Variants in MGAT4C observed in about 807,000 individuals in gnomAD.
MGAT4C encodes the protein alpha-1,3-mannosyl-glycoprotein 4-beta-N-acetylglucosaminyltransferase C.
Under a neutral mutation model 40.1 loss-of-function variants are expected in MGAT4C, and 19 were observed. The observed-to-expected ratio is 0.47, with a 90% CI of 0.33 to 0.70. MGAT4C has a LOEUF of 0.70. Among genes scored for constraint, MGAT4C ranks in the 30% least tolerant of loss-of-function variants. The probability of loss-of-function intolerance (pLI) is 0.02; values close to 1 mark genes in which losing one functional copy is unlikely to be tolerated. For synonymous variants in MGAT4C, 181 were observed against 187.1 expected, an observed-to-expected ratio of 0.97 and a Z score of 0.27; for missense variants, 491 against 563.2, an observed-to-expected ratio of 0.87 and a Z score of 1.30.
At chr12:86,262,937 G>A (rs1952691063) in intron 4 of MGAT4C, among the ~76,000 whole-genome samples, 1 of 151,966 alleles carries the variant, frequency 6.6e-6, no homozygotes, top group Non-Finnish European at 1.5e-5. Flanking sequence ...CCTAGATATA[G>A]TAATGTTGAC....
chr12:86,804,438 A>T, intron 1 of MGAT4C, among the ~76,000 whole-genome samples: 1 of 146,992 alleles, frequency 6.8e-6, no homozygotes, highest in East Asian at 1.9e-4. Context: ...AAAATAAAAT[A>T]AATAAATAAA....
intron 1 of MGAT4C, among the ~76,000 whole-genome samples, chr12:86,241,058 T>C (rs959676586): frequency 9.2e-5 from 14 of 152,158 alleles, no homozygotes; most frequent in Non-Finnish European, 1.3e-4. Flanking sequence ...TTTTAAATTA[T>C]GCATTCCAGG....
At chr12:86,323,899 G>A (rs1199773872) in intron 4 of MGAT4C, among the ~76,000 whole-genome samples, 1 of 151,656 alleles carries the variant, frequency 6.6e-6, no homozygotes, top group Non-Finnish European at 1.5e-5. Context: ...CTATTCCCAT[G>A]AATTATTCAA....
chr12:86,189,484 A>C (rs1889131314), intron 1 of MGAT4C, among the ~76,000 whole-genome samples: 1 of 151,992 alleles, frequency 6.6e-6, no homozygotes, highest in South Asian at 2.1e-4. Context: ...GCACTAGGAA[A>C]ATCAGGAAAT....
chr12:86,772,453 A>G lies in MGAT4C; in HGVS notation c.-261-45212T>C, dbSNP rs148463163. Among the ~76,000 whole-genome samples the G allele has an allele frequency of 4.3e-3, 654 of 152,330 alleles. 1 individual carries two copies. Among genetic ancestry groups the G allele is most frequent in the African/African-American group, 0.015 (640 of 41,578 alleles). On this transcript the variant is annotated intron_variant, in intron 1 of 7. Coordinates refer to the MGAT4C transcript ENST00000548651. ...TAATAAAAAGATTGAATGACCTTGC[A>G]GGCAGTGCAGAAGTTGGCATTTCTG...
chr12:86,517,425 T>C (rs1364909912), intron 2 of MGAT4C, among the ~76,000 whole-genome samples: 1 of 152,092 alleles, frequency 6.6e-6, no homozygotes, highest in Non-Finnish European at 1.5e-5. Context: ...AATATTACTA[T>C]CTTTGGTGCT....
intron 3 of MGAT4C, among the ~76,000 whole-genome samples, chr12:86,384,445 G>T (rs1241682311): frequency 2.0e-5 from 3 of 152,152 alleles, no homozygotes; most frequent in Non-Finnish European, 4.4e-5. Context: ...TGGGATAATG[G>T]TGTTCAGGAT....
chr12:86,563,225 T>C (rs535749857), intron 2 of MGAT4C, among the ~76,000 whole-genome samples: 1 of 152,282 alleles, frequency 6.6e-6, no homozygotes, highest in South Asian at 2.1e-4. Context: ...TTGGAAAATT[T>C]AAATGCAATG....
At chr12:86,587,658 C>A (rs1961115671) in intron 2 of MGAT4C, among the ~76,000 whole-genome samples, 1 of 151,860 alleles carries the variant, frequency 6.6e-6, no homozygotes, top group South Asian at 2.1e-4. Context: ...TGAAGAGGTC[C>A]TTCATGTCCC....
intron 4 of MGAT4C, among the ~76,000 whole-genome samples, chr12:86,311,024 T>C (rs1489680585): frequency 1.3e-5 from 2 of 152,246 alleles, no homozygotes; most frequent in African/African-American, 2.4e-5. Context: ...TGGGTCCTGC[T>C]GCTTACTCTG....
intron 3 of MGAT4C, among the ~76,000 whole-genome samples, chr12:86,355,770 CT>C (rs1176218799): frequency 6.6e-6 from 1 of 151,826 alleles, no homozygotes; most frequent in East Asian, 1.9e-4. Context: ...ATTTTTGAAA[CT>C]AGATAAATAT....
intron 1 of MGAT4C, among the ~76,000 whole-genome samples, chr12:86,737,391 G>A (rs1227562708): frequency 6.8e-6 from 1 of 147,472 alleles, no homozygotes; most frequent in Non-Finnish European, 1.5e-5. Flanking sequence ...TAACACACGG[G>A]CCTGGTTTTC....
intron 1 of MGAT4C, among the ~76,000 whole-genome samples, chr12:86,094,979 G>A (rs1873631175): frequency 6.6e-6 from 1 of 152,184 alleles, no homozygotes; most frequent in Non-Finnish European, 1.5e-5. Context: ...TGTGGTGGCA[G>A]AGAATGTTAG....
rs1327741545 is a variant in MGAT4C at position 86,710,059 on chromosome 12, C to G, written c.-229+17150G>C. On this transcript the variant is annotated intron_variant, in intron 2 of 7. Coordinates refer to the MGAT4C transcript ENST00000548651. Reference sequence around the variant, plus strand: ...TATTTTTATGATGGAATAAATAATACTAATTTCTACTTCTATCCCCATAAA... The same window carrying G: ...TATTTTTATGATGGAATAAATAATAGTAATTTCTACTTCTATCCCCATAAA... Among the ~76,000 whole-genome samples the G allele has an allele frequency of 3.9e-5, 6 of 152,056 alleles. No homozygotes were observed. In the East Asian group the frequency reaches 1.2e-3, roughly 29 times the overall value.
intron 1 of MGAT4C, among the ~76,000 whole-genome samples, chr12:86,091,396 T>G (rs1363291217): frequency 6.6e-6 from 1 of 152,048 alleles, no homozygotes; most frequent in Admixed American, 6.6e-5. Flanking sequence ...CTTAGGATAT[T>G]TTTTGTTTTT....
chr12:86,589,807 A>T (rs1262572385), intron 2 of MGAT4C, among the ~76,000 whole-genome samples: 2 of 152,072 alleles, frequency 1.3e-5, no homozygotes, highest in African/African-American at 4.8e-5. Flanking sequence ...CAAAAACCAC[A>T]TGATTATCTC....
At chr12:86,142,536 A>G (rs1882972425) in intron 1 of MGAT4C, among the ~76,000 whole-genome samples, 1 of 152,192 alleles carries the variant, frequency 6.6e-6, no homozygotes, top group Non-Finnish European at 1.5e-5. Context: ...AGTATATACC[A>G]ATCCTGCTTT....
intron 2 of MGAT4C, among the ~76,000 whole-genome samples, chr12:86,654,918 T>C (rs1178305062): frequency 6.6e-6 from 1 of 152,026 alleles, no homozygotes; most frequent in Non-Finnish European, 1.5e-5. Flanking sequence ...TATTGATATA[T>C]GAAAATAAAT....
intron 2 of MGAT4C, among the ~76,000 whole-genome samples, chr12:86,517,606 C>A (rs1338074027): frequency 6.6e-6 from 1 of 151,960 alleles, no homozygotes; most frequent in East Asian, 1.9e-4. Context: ...GAGAGCAGAG[C>A]AAAGTGACTT....
Sources: allele counts gnomAD v4.1 joint callset (sites outside exome capture counted in the v4.1 genomes callset), GRCh38; gene constraint gnomAD v4.1.1; transcripts MANE v1.5; gene names NCBI Gene and HGNC (gene_info 2026-07-23, HGNC 2026-07-21).